GDA: variants seen among roughly 807,000 people sequenced by gnomAD.
GDA encodes cytoplasmic PSD-95 interactor.
A neutral mutation model predicts 59.6 loss-of-function variants in GDA; 18 were observed. That is an observed-to-expected ratio of 0.30 (90% CI 0.21 to 0.45). The LOEUF is 0.45. Ranked by LOEUF, GDA falls within the 20% of genes least tolerant of loss-of-function variation. The pLI is 1.00. For missense variants in GDA, 427 were observed against 552.3 expected (o/e 0.77, Z 2.27); for synonymous variants, 201 against 201.1 (o/e 1.00, Z 0.00).
At chr9:72,225,881 C>A in intron 8 of GDA, 97 bp downstream of exon 8, 1 of 598,692 alleles carries the variant, frequency 1.7e-6, no homozygotes, top group South Asian at 2.5e-5. Context: ...GATATGAATA[C>A]ATTTCTTTAA....
At chr9:72,121,578 CAA>C (rs1157808342) in intron 1 of GDA, among the ~76,000 whole-genome samples, 2 of 152,172 alleles carry the variant, frequency 1.3e-5, no homozygotes, top group African/African-American at 2.4e-5. Context: ...GCCTGGGTGA[CAA>C]GAGCGAAAGT....
intron 10 of GDA, among the ~76,000 whole-genome samples, chr9:72,237,226 G>A (rs1295821462): frequency 2.6e-5 from 4 of 152,078 alleles, no homozygotes; most frequent in African/African-American, 9.7e-5. Context: ...CTTCAGTCTG[G>A]ATTCTTGCCC....
chr9:72,146,545 CAGTGGT>C (rs1469823442), upstream of GDA, among the ~76,000 whole-genome samples: 1 of 152,076 alleles, frequency 6.6e-6, no homozygotes, highest in East Asian at 1.9e-4. Context: ...CGCTGGAGTG[CAGTGGT>C]TCAATCCTGG....
intron 1 of GDA, among the ~76,000 whole-genome samples, chr9:72,141,613 CT>C (rs1826443379): frequency 6.6e-6 from 1 of 152,068 alleles, no homozygotes; most frequent in African/African-American, 2.4e-5. Flanking sequence ...GGAGTCCAAT[CT>C]CATTATGGTT....
intron 4 of GDA, among the ~76,000 whole-genome samples, chr9:72,211,889 A>G (rs1013672863): frequency 3.9e-5 from 6 of 152,308 alleles, no homozygotes; most frequent in Non-Finnish European, 4.4e-5. Flanking sequence ...AAGACTCAAA[A>G]AAGGTTCTGA....
downstream of GDA, among the ~76,000 whole-genome samples, chr9:72,252,967 A>G (rs1840791059): frequency 6.6e-6 from 1 of 152,172 alleles, no homozygotes; most frequent in East Asian, 1.9e-4. Context: ...ATTAATATAG[A>G]CCAAATAAAA....
Position 72,250,884 on chromosome 9 carries a change from A to G in GDA, c.*2542A>G. 1 of 1,561,350 alleles carries G rather than the reference A, an allele frequency of 6.4e-7. No individual in the cohort carries two copies. The highest frequency in any genetic ancestry group is 8.8e-7 in the Non-Finnish European group (1 of 1,138,828). ...GTATCGATTATCATAAATTCACAAAATATTTTTGCAACCAGAACACAAAAG... is the reference window on the plus strand; with the variant it reads ...GTATCGATTATCATAAATTCACAAAGTATTTTTGCAACCAGAACACAAAAG... On this transcript the variant is annotated 3_prime_UTR_variant, in exon 14 of 14. Coordinates refer to ENST00000358399, the MANE Select transcript of GDA (RefSeq NM_004293.5).
At chr9:72,206,431 A>T (rs768500004) in intron 3 of GDA, among the ~76,000 whole-genome samples, 41 of 152,140 alleles carry the variant, frequency 2.7e-4, no homozygotes, top group Non-Finnish European at 5.4e-4. Context: ...AATTTAAAAA[A>T]ATTATCTCAA....
At chr9:72,162,945 A>G (rs958437620) in intron 1 of GDA, among the ~76,000 whole-genome samples, 4 of 152,228 alleles carry the variant, frequency 2.6e-5, no homozygotes, top group South Asian at 2.1e-4. Flanking sequence ...GCGTGAGCCA[A>G]TGCGCCCTGA....
rs908647634 is a variant in GDA, at chr9:72,120,315, A to G, written c.-100+5482A>G. On this transcript the variant is annotated intron_variant, in intron 1 of 13. Coordinates refer to the GDA transcript ENST00000545168. ...CGATTCTCCTGCCTTGGCCTCCCCAAGTAGCTGGGACTACAGGCTTGCACT... is the reference window on the plus strand; with the variant it reads ...CGATTCTCCTGCCTTGGCCTCCCCAGGTAGCTGGGACTACAGGCTTGCACT... Among the ~76,000 whole-genome samples, 33 of 152,020 alleles carry G rather than the reference A, an allele frequency of 2.2e-4. 1 individual carries two copies. The highest frequency in any genetic ancestry group is 6.6e-4 in the Admixed American group (10 of 15,252).
chr9:72,174,744 TTATA>T (rs146059487), intron 1 of GDA, among the ~76,000 whole-genome samples: 4,984 of 149,498 alleles, frequency 0.033, 286 homozygotes, highest in African/African-American at 0.12. Context: ...ACTGTTGAGG[TTATA>T]TATATATATA....
intron 1 of GDA, among the ~76,000 whole-genome samples, chr9:72,118,602 A>T (rs1427696571): frequency 6.6e-6 from 1 of 152,230 alleles, no homozygotes; most frequent in Non-Finnish European, 1.5e-5. Context: ...ATTTTTAACC[A>T]GCATTTTTCC....
At chr9:72,159,389 G>A (rs4745176) in intron 1 of GDA, among the ~76,000 whole-genome samples, 24,546 of 151,460 alleles carry the variant, frequency 0.16, 2,560 homozygotes, top group East Asian at 0.5. Flanking sequence ...GTGAGACTCC[G>A]TCTCAAAAAA....
downstream of GDA, among the ~76,000 whole-genome samples, chr9:72,253,724 A>G (rs1169655001): frequency 1.3e-5 from 2 of 152,324 alleles, no homozygotes; most frequent in Admixed American, 6.5e-5. Flanking sequence ...GAAATTTCAC[A>G]TGCTTAATTT....
At chr9:72,145,678 G>A (rs990415357), upstream of GDA, among the ~76,000 whole-genome samples, 5 of 152,138 alleles carry the variant, frequency 3.3e-5, no homozygotes, top group African/African-American at 1.2e-4. Flanking sequence ...CAGTAGTTGG[G>A]GAATTTGGGG....
At chr9:72,126,937 G>C (rs1038954483) in intron 1 of GDA, among the ~76,000 whole-genome samples, 1 of 151,898 alleles carries the variant, frequency 6.6e-6, no homozygotes, top group African/African-American at 2.4e-5. Context: ...AGAGTATCTG[G>C]TGCCATCCTT....
chr9:72,230,541 C>T (rs993227975), intron 9 of GDA, among the ~76,000 whole-genome samples: 1 of 151,040 alleles, frequency 6.6e-6, no homozygotes, highest in Non-Finnish European at 1.5e-5. Flanking sequence ...ATCTCTTTAG[C>T]TCAGAGTCAC....
chr9:72,166,940 C>G (rs1043618851), intron 1 of GDA, among the ~76,000 whole-genome samples: 2 of 152,122 alleles, frequency 1.3e-5, no homozygotes, highest in African/African-American at 2.4e-5. Flanking sequence ...TTTTCATAGG[C>G]AGTAAATTTT....
intron 4 of GDA, among the ~76,000 whole-genome samples, chr9:72,212,306 C>A (rs1835480875): frequency 6.6e-6 from 1 of 151,888 alleles, no homozygotes; most frequent in Non-Finnish European, 1.5e-5. Flanking sequence ...CATGGTGAAA[C>A]CCTGTCTCTA....
Sources: allele counts gnomAD v4.1 joint callset (sites outside exome capture counted in the v4.1 genomes callset), GRCh38; gene constraint gnomAD v4.1.1; transcripts MANE v1.5; gene names NCBI Gene and HGNC (gene_info 2026-07-23, HGNC 2026-07-21).